The following AAR2 variants were observed in gnomAD, a reference collection of about 807,000 sequenced individuals.
AAR2 encodes protein AAR2 homolog.
A neutral mutation model predicts 26.9 loss-of-function variants in AAR2; 31 were observed. The ratio of observed to expected loss-of-function variants is 1.15; its 90% CI spans 0.86 to 1.55. The LOEUF (loss-of-function observed/expected upper bound fraction) is 1.55, where lower values mean the gene tolerates loss of function less well. Ranked by LOEUF, AAR2 falls within the 40% of genes most tolerant of loss-of-function variation. The pLI is 0.00. For missense variants in AAR2, 430 were observed against 491.3 expected, an observed-to-expected ratio of 0.88 and a Z score of 1.18; for synonymous variants, 188 against 196.1, an observed-to-expected ratio of 0.96 and a Z score of 0.34.
At chr20:36,237,440 A>G (rs1391451888) in intron 1 of AAR2, among the ~76,000 whole-genome samples, 1 of 152,160 alleles carries the variant, frequency 6.6e-6, no homozygotes, top group African/African-American at 2.4e-5. Context: ...TAGGTGTTCC[A>G]GGACTGTGAG....
Position 36,255,835 on chromosome 20 carries a change from C to T in AAR2, c.*90C>T, listed in dbSNP as rs11905241. On this transcript the variant is annotated 3_prime_UTR_variant, in exon 4 of 4. Transcript: ENST00000320849. Reference sequence around the variant, plus strand: ...TTACTTCTTCCCATCCTGGGACCTGCCAGGGCAGCAATCTCTCCAGGTCCT... The same window carrying T: ...TTACTTCTTCCCATCCTGGGACCTGTCAGGGCAGCAATCTCTCCAGGTCCT... 1,572 of 1,478,736 alleles carry T rather than the reference C, an allele frequency of 1.1e-3. 17 individuals are homozygous for T. In the African/African-American group the frequency reaches 0.019, roughly 17 times the overall value. 91.6% of individuals were successfully genotyped at this position (1,478,736 alleles called of 1,614,324 possible). A position where few individuals can be genotyped will look rare whatever the true frequency, so the allele number is the denominator to read the frequency against.
intron 2 of AAR2, among the ~76,000 whole-genome samples, chr20:36,241,570 C>T (rs1458027131): frequency 6.6e-6 from 1 of 152,076 alleles, no homozygotes; most frequent in African/African-American, 2.4e-5. Flanking sequence ...GTGGGGATCA[C>T]CTGAGGTTAG....
intron 1 of AAR2, among the ~76,000 whole-genome samples, chr20:36,239,161 T>C (rs770256227): frequency 1.3e-5 from 2 of 152,180 alleles, no homozygotes; most frequent in South Asian, 2.1e-4. Context: ...CCACCACTGA[T>C]TGTGGGCTCT....
chr20:36,255,500 C>G, intron 3 of AAR2, 78 bp from the exon 4 acceptor site: 1 of 1,543,330 alleles, frequency 6.5e-7, no homozygotes, highest in Non-Finnish European at 8.9e-7. Flanking sequence ...GAGCCGAACA[C>G]CATGAGGAAA....
chr20:36,245,677 T>C (rs967947015), intron 3 of AAR2, among the ~76,000 whole-genome samples: 1 of 152,182 alleles, frequency 6.6e-6, no homozygotes, highest in African/African-American at 2.4e-5. Context: ...TAAGGCAGCC[T>C]TTCACCAACC....
At chr20:36,242,715 A>G (rs2064695685) in intron 2 of AAR2, among the ~76,000 whole-genome samples, 1 of 152,128 alleles carries the variant, frequency 6.6e-6, no homozygotes, top group Non-Finnish European at 1.5e-5. Context: ...ATCTTAATGC[A>G]TTAGTATTTT....
At chr20:36,244,636 T>C in intron 2 of AAR2, 61 bp from the exon 3 acceptor site, 1 of 1,481,498 alleles carries the variant, frequency 6.7e-7, no homozygotes, top group East Asian at 2.3e-5. Flanking sequence ...TGAATAGTGA[T>C]GGAGAGTGTC....
chr20:36,252,388 CT>C (rs1569430085), intron 3 of AAR2, among the ~76,000 whole-genome samples: 1 of 152,158 alleles, frequency 6.6e-6, no homozygotes, highest in Non-Finnish European at 1.5e-5. Flanking sequence ...GAAAGAGCCG[CT>C]GCTGTGAGGT....
At position 36,241,511 on chromosome 20, in the gene AAR2, G is replaced by A. The variant is rs146106426; in HGVS notation, c.757+886G>A. ...CTCTATTGTATCATCAAGTGGCCGG[G>A]TGTGGTGACTCACACCTGTAATCCC... On this transcript the variant is annotated intron_variant, in intron 2 of 3. Transcript: ENST00000320849. 5.3e-5 allele frequency among the ~76,000 whole-genome samples: 8 copies of A among 152,310 alleles called. No homozygotes were observed. In the East Asian group the frequency reaches 1.5e-3, roughly 29 times the overall value.
chr20:36,253,853 C>T (rs1396814312), intron 3 of AAR2, among the ~76,000 whole-genome samples: 2 of 152,230 alleles, frequency 1.3e-5, no homozygotes, highest in African/African-American at 4.8e-5. Flanking sequence ...TCAATATCCA[C>T]TGATCATTAG....
rs369290761 is a variant in AAR2 at position 36,244,869 on chromosome 20, C to T, written c.930C>T (p.Pro310=). The change falls in exon 3 of 4, where the codon CCC becomes CCT. Residue 310 remains proline, a synonymous_variant. Transcript: ENST00000320849. Reference sequence around the variant, plus strand: ...TGTACCACCAGCTTGGTGAGATCCCCGCTGACTTCTTCGTAGACATTGTCT... The same window carrying T: ...TGTACCACCAGCTTGGTGAGATCCCTGCTGACTTCTTCGTAGACATTGTCT... The part of the protein sequence containing the change: ...SILYHQLGEI[P]ADFFVDIVSQ... The T allele has an allele frequency of 6.9e-5, 112 of 1,614,058 alleles. No individual in the cohort carries two copies. The highest frequency in any genetic ancestry group is 8.3e-5 in the Non-Finnish European group (98 of 1,180,046).
intron 2 of AAR2, 130 bp downstream of exon 2, chr20:36,240,755 T>G (rs1859611620): frequency 1.6e-6 from 2 of 1,261,248 alleles, no homozygotes; most frequent in Non-Finnish European, 2.1e-6. Context: ...AAGATACAGG[T>G]GTGTCTTTAC....
In AAR2 at chr20:36,240,558, G is replaced by C; in HGVS notation, c.690G>C (p.Met230Ile). The change falls in exon 2 of 4, where the codon ATG (methionine) becomes ATC (isoleucine). Residue 230 changes from methionine (M) to isoleucine (I), a missense_variant. Physicochemically the swap from Met to Ile is conservative, Grantham distance 10. Coordinates refer to ENST00000320849, the MANE Select transcript of AAR2 (RefSeq NM_001271874.2). ...CAGCTGAGATAACCAAGCACAGCAT[G>C]GACCTGAGCTATGCCCTGGAGACTG... ...ATPAEITKHS[M>I]DLSYALETVL... The C allele has an allele frequency of 1.2e-6, 2 of 1,613,828 alleles. No individual in the cohort carries two copies. The highest frequency in any genetic ancestry group is 1.7e-6 in the Non-Finnish European group (2 of 1,180,048).
At chr20:36,240,733 G>C (rs916765915) in intron 2 of AAR2, 108 bp downstream of exon 2, 1 of 1,401,952 alleles carries the variant, frequency 7.1e-7, no homozygotes, top group South Asian at 1.5e-5. Context: ...ACTAAACCTG[G>C]CTAGGAGGCT....
chr20:36,248,053 C>T (rs995832452), intron 3 of AAR2, among the ~76,000 whole-genome samples: 1 of 152,112 alleles, frequency 6.6e-6, no homozygotes, highest in Admixed American at 6.5e-5. Flanking sequence ...ACCTTCTTGC[C>T]GGAACCTGAT....
At position 36,238,393 on chromosome 20, in the gene AAR2, A is replaced by G. The variant is rs571581660; in HGVS notation, c.-48-1428A>G. 5.9e-5 allele frequency among the ~76,000 whole-genome samples: 9 copies of G among 152,308 alleles called. No individual in the cohort carries two copies. The East Asian group carries it at 1.4e-3, about 23-fold the overall frequency. On this transcript the variant is annotated intron_variant, in intron 1 of 3. Coordinates refer to ENST00000320849, the MANE Select transcript of AAR2 (RefSeq NM_001271874.2). ...CATTTGTGGTGGTTTTGAGGTAACA[A>G]TGATAAAATGTGCTCTTATTTTTGG...
At chr20:36,246,946 T>C (rs981381257) in intron 3 of AAR2, among the ~76,000 whole-genome samples, 6 of 152,266 alleles carry the variant, frequency 3.9e-5, no homozygotes, top group Non-Finnish European at 7.3e-5. Context: ...GGAATATATA[T>C]ACATGTGAGT....
In AAR2 at chr20:36,248,838, A is replaced by C. The variant is rs140786590; in HGVS notation, c.987+3912A>C. On this transcript the variant is annotated intron_variant, in intron 3 of 3. Transcript: ENST00000320849. ...CATTTGACCATGCACTTGAGGGATG[A>C]CTGAGATTTCAAAAGGCACAATGTG... is the stretch of plus-strand genomic sequence containing the variant. 3.2e-3 allele frequency among the ~76,000 whole-genome samples: 484 copies of C among 151,768 alleles called. 3 individuals are homozygous for C. The highest frequency in any genetic ancestry group is 0.011 in the African/African-American group (457 of 41,362).
intron 3 of AAR2, among the ~76,000 whole-genome samples, chr20:36,246,475 T>C (rs551855204): frequency 1.3e-5 from 2 of 152,314 alleles, no homozygotes; most frequent in South Asian, 4.1e-4. Flanking sequence ...AACAGAGAAA[T>C]TAAACCCCTT....
Sources: allele counts gnomAD v4.1 joint callset (sites outside exome capture counted in the v4.1 genomes callset), GRCh38; gene constraint gnomAD v4.1.1; transcripts MANE v1.5; gene names NCBI Gene and HGNC (gene_info 2026-07-23, HGNC 2026-07-21).